Variants in SPANXN2 observed in about 807,000 individuals in gnomAD.
SPANXN2 encodes SPANX family member N2, also known as sperm protein associated with the nucleus on the X chromosome N2.
A neutral mutation model predicts 2.0 loss-of-function variants in SPANXN2; 1 was observed. That is an observed-to-expected ratio of 0.50 (90% CI 0.18 to 2.36). The LOEUF is 2.36. Among genes scored for constraint, SPANXN2 ranks in the 30% most tolerant of loss-of-function variants. SPANXN2 has a pLI of 0.26. For synonymous variants in SPANXN2, 43 were observed against 49.8 expected, an observed-to-expected ratio of 0.86 and a Z score of 0.58; for missense variants, 88 against 116.7, an observed-to-expected ratio of 0.75 and a Z score of 1.13.
intron 1 of SPANXN2, among the ~76,000 whole-genome samples, chrX:143,720,030 C>A (rs782296961): frequency 7.2e-4 from 80 of 111,114 alleles, no homozygotes; most frequent in Middle Eastern, 4.6e-3. Flanking sequence ...TCCGTCACCC[C>A]CTGCTTCAAA....
In SPANXN2 at chrX:143,712,522, C is replaced by T. The variant is rs1932183509; in HGVS notation, c.79-23G>A. ...CATCTGATAAGAAAACAGGGAGAGG[C>T]CAGAAAGTCATTATTTTGGGTGAAT... On this transcript the variant is annotated intron_variant, in intron 1 of 1. Transcript: ENST00000598475. The T allele has an allele frequency of 7.6e-6, 9 of 1,188,015 alleles. No individual in the cohort carries two copies. In the East Asian group the frequency reaches 2.7e-4, roughly 35 times the overall value.
chrX:143,720,495 G>A, intron 1 of SPANXN2, 96 bp downstream of exon 1: 2 of 967,676 alleles, frequency 2.1e-6, no homozygotes, highest in Admixed American at 2.4e-5. Flanking sequence ...CACTTCCACA[G>A]GTGTCTGCAG....
chrX:143,715,979 C>T (rs1298802748), intron 1 of SPANXN2, among the ~76,000 whole-genome samples: 1 of 111,492 alleles, frequency 9.0e-6, no homozygotes, highest in Non-Finnish European at 1.9e-5. Context: ...AATCCTAATA[C>T]TCACATGTCC....
intron 1 of SPANXN2, among the ~76,000 whole-genome samples, chrX:143,720,053 A>G (rs1556450635): frequency 9.0e-6 from 1 of 110,986 alleles, no homozygotes; most frequent in African/African-American, 3.3e-5. Context: ...CCAAACCCTG[A>G]TTACAGCTCC....
chrX:143,720,490 C>G (rs1556450702), intron 1 of SPANXN2, 101 bp downstream of exon 1: 2 of 930,358 alleles, frequency 2.1e-6, no homozygotes, highest in Non-Finnish European at 3.0e-6. Context: ...TCCCCCACTT[C>G]CACAGGTGTC....
Position 143,712,509 on chromosome X carries a change from A to T in SPANXN2, c.79-10T>A, listed in dbSNP as rs782090724. ...TCGGTGCCTCCTGCATCTGATAAGA[A>T]AACAGGGAGAGGCCAGAAAGTCATT... On this transcript the variant is annotated splice_polypyrimidine_tract_variant and intron_variant, in intron 1 of 1. Coordinates refer to ENST00000598475, the Ensembl canonical transcript of SPANXN2. The T allele has an allele frequency of 3.3e-6, 4 of 1,200,619 alleles. No homozygotes were observed. The Admixed American group carries it at 8.9e-5, about 27-fold the overall frequency.
chrX:143,714,679 T>C (rs2124004208), intron 1 of SPANXN2, among the ~76,000 whole-genome samples: 1 of 111,849 alleles, frequency 8.9e-6, no homozygotes, highest in African/African-American at 3.2e-5. Flanking sequence ...TAAGCCCTAA[T>C]ACCAATAAGG....
chrX:143,714,996 A>G (rs1556449289), intron 1 of SPANXN2, among the ~76,000 whole-genome samples: 1 of 111,643 alleles, frequency 9.0e-6, no homozygotes. Flanking sequence ...GCAAAAGCCT[A>G]GCCTAATCCC....
exon 2 of SPANXN2, chrX:143,712,089 C>T: frequency 8.2e-7 from 1 of 1,212,386 alleles, no homozygotes; most frequent in Non-Finnish European, 1.1e-6. Flanking sequence ...GGTCTTCGTC[C>T]TCCTGTGAAG....
intron 1 of SPANXN2, among the ~76,000 whole-genome samples, chrX:143,714,137 C>A (rs1332014262): frequency 8.2e-5 from 9 of 109,739 alleles, no homozygotes; most frequent in African/African-American, 3.0e-4. Flanking sequence ...CCTTCCTTCT[C>A]CACCTCAAAC....
intron 1 of SPANXN2, among the ~76,000 whole-genome samples, chrX:143,717,243 C>T (rs1932283558): frequency 8.9e-6 from 1 of 111,899 alleles, no homozygotes; most frequent in Non-Finnish European, 1.9e-5. Context: ...ATACCATGTC[C>T]TACAGTCTCA....
At chrX:143,716,649 G>T (rs1335718601) in intron 1 of SPANXN2, among the ~76,000 whole-genome samples, 2 of 112,184 alleles carry the variant, frequency 1.8e-5, no homozygotes, top group Non-Finnish European at 3.8e-5. Context: ...AGAAGCCATT[G>T]CACGCCTCTC....
chrX:143,713,443 T>C (rs2124002338), intron 1 of SPANXN2, among the ~76,000 whole-genome samples: 1 of 111,721 alleles, frequency 9.0e-6, no homozygotes, highest in South Asian at 3.8e-4. Context: ...GTCTCCCTCT[T>C]CCTCCTTTCC....
chrX:143,716,567 T>C (rs1473869857), intron 1 of SPANXN2, among the ~76,000 whole-genome samples: 41 of 111,955 alleles, frequency 3.7e-4, no homozygotes, highest in Non-Finnish European at 5.8e-4. Flanking sequence ...TCACCAAGCC[T>C]GTTACTTTCT....
At chrX:143,716,037 T>C in intron 1 of SPANXN2, among the ~76,000 whole-genome samples, 1 of 111,335 alleles carries the variant, frequency 9.0e-6, no homozygotes, top group Non-Finnish European at 1.9e-5. Flanking sequence ...GACTGTACTC[T>C]TAGAGGGGTT....
intron 1 of SPANXN2, 48 bp from the exon 2 acceptor site, chrX:143,712,547 T>C (rs372506198): frequency 3.5e-6 from 4 of 1,130,456 alleles, no homozygotes; most frequent in Non-Finnish European, 3.6e-6. Flanking sequence ...TTTGGGTGAA[T>C]AGGGTAGAGA....
intron 1 of SPANXN2, among the ~76,000 whole-genome samples, chrX:143,716,132 T>C (rs1932259463): frequency 9.0e-6 from 1 of 110,730 alleles, no homozygotes; most frequent in Non-Finnish European, 1.9e-5. Flanking sequence ...TCCTCCAGTA[T>C]GTCAATGACC....
At chrX:143,717,203 G>C (rs1161277176) in intron 1 of SPANXN2, among the ~76,000 whole-genome samples, 1 of 111,728 alleles carries the variant, frequency 9.0e-6, no homozygotes, top group Non-Finnish European at 1.9e-5. Flanking sequence ...AGGGAAAGAG[G>C]GTCAACATTT....
Position 143,718,470 on chromosome X carries a change from T to C in SPANXN2, c.78+2121A>G, listed in dbSNP as rs1225246090. ...CTCTCCAACCTAAGTGGAGGAATTC[T>C]CACCAGGTGATGCTAACTACTCCCA... On this transcript the variant is annotated intron_variant, in intron 1 of 1. Transcript: ENST00000598475. Among the ~76,000 whole-genome samples, 12 of 111,405 alleles carry C rather than the reference T, an allele frequency of 1.1e-4. 1 individual carries two copies. The highest frequency in any genetic ancestry group is 7.6e-4 in the South Asian group (2 of 2,645).
Sources: allele counts gnomAD v4.1 joint callset (sites outside exome capture counted in the v4.1 genomes callset), GRCh38; gene constraint gnomAD v4.1.1; transcripts MANE v1.5; gene names NCBI Gene and HGNC (gene_info 2026-07-23, HGNC 2026-07-21).